The following TACR1 variants were observed in gnomAD, a reference collection of about 807,000 sequenced individuals.
TACR1 encodes substance-P receptor.
In TACR1, 25 loss-of-function variants were observed where a neutral mutation model predicts 35.8. The ratio of observed to expected loss-of-function variants is 0.70; its 90% CI spans 0.51 to 0.98. The LOEUF (loss-of-function observed/expected upper bound fraction) is 0.98. Among genes scored for constraint, TACR1 ranks in the 50% least tolerant of loss-of-function variants. TACR1 has a pLI of 0.00. For missense variants in TACR1, 478 were observed against 522.9 expected (o/e 0.91, Z 0.84); for synonymous variants, 195 against 206.7 (o/e 0.94, Z 0.48).
chr2:75,132,195 T>C (rs923577156), intron 1 of TACR1, among the ~76,000 whole-genome samples: 1 of 152,122 alleles, frequency 6.6e-6, no homozygotes, highest in Admixed American at 6.5e-5. Flanking sequence ...ATTGAGAAAA[T>C]TTCATTTCTC....
At chr2:75,113,566 A>T (rs1553376513) in intron 2 of TACR1, among the ~76,000 whole-genome samples, 47 of 56,640 alleles carry the variant, frequency 8.3e-4, no homozygotes, top group Admixed American at 1.7e-3. Context: ...TACTTTGTTC[A>T]CTCTGATTTC....
intron 2 of TACR1, among the ~76,000 whole-genome samples, chr2:75,119,492 T>C (rs1454554216): frequency 6.6e-6 from 1 of 152,224 alleles, no homozygotes; most frequent in Non-Finnish European, 1.5e-5. Context: ...AAGATCCACA[T>C]TATCCATGTG....
rs749012386 is a variant in TACR1 at position 75,049,614 on chromosome 2, C to A, written c.1042G>T (p.Val348Leu). Reference sequence around the variant, plus strand: ...GTCTCCAGGCGGCTGACTTTGTACACACTGCCCTGGGTCTGGAGATACCGG... The same window carrying A: ...GTCTCCAGGCGGCTGACTTTGTACAAACTGCCCTGGGTCTGGAGATACCGG... ...STRYLQTQGSVYKVSRLETTI... is the reference protein window; with the variant it reads ...STRYLQTQGSLYKVSRLETTI... The change falls in exon 5 of 5, where the codon GTG becomes TTG. Residue 348 changes from valine (V) to leucine (L), a missense_variant. Coordinates refer to ENST00000305249, the MANE Select transcript of TACR1 (RefSeq NM_001058.4). 5.6e-6 allele frequency: 9 copies of A among 1,614,188 alleles called. No homozygotes were observed. The South Asian group carries it at 9.9e-5, about 18-fold the overall frequency.
At chr2:75,087,361 C>G (rs1441998980) in intron 2 of TACR1, among the ~76,000 whole-genome samples, 1 of 152,180 alleles carries the variant, frequency 6.6e-6, no homozygotes, top group African/African-American at 2.4e-5. Context: ...CCCAGTAGTT[C>G]TTCCCCAAAG....
At chr2:75,158,382 TTAA>T (rs1421875773) in intron 1 of TACR1, among the ~76,000 whole-genome samples, 2 of 152,234 alleles carry the variant, frequency 1.3e-5, no homozygotes, top group Non-Finnish European at 2.9e-5. Context: ...AGTGTCTGGC[TTAA>T]TAAGAGGGAT....
intron 1 of TACR1, among the ~76,000 whole-genome samples, chr2:75,145,291 A>G (rs1674484537): frequency 6.6e-6 from 1 of 152,160 alleles, no homozygotes; most frequent in African/African-American, 2.4e-5. Flanking sequence ...CTTAAATGCA[A>G]TGATGAAAAA....
At chr2:75,079,710 C>A (rs1328735136) in intron 2 of TACR1, among the ~76,000 whole-genome samples, 3 of 150,048 alleles carry the variant, frequency 2.0e-5, no homozygotes, top group Admixed American at 1.3e-4. Flanking sequence ...CAGGAAAAGT[C>A]CAAACTGTGC....
intron 1 of TACR1, among the ~76,000 whole-genome samples, chr2:75,170,623 C>T (rs1452730534): frequency 6.6e-6 from 1 of 152,136 alleles, no homozygotes; most frequent in Non-Finnish European, 1.5e-5. Flanking sequence ...TGTTGAATGG[C>T]TTTGACCCCA....
chr2:75,123,352 C>T (rs1292410940), intron 1 of TACR1, among the ~76,000 whole-genome samples: 1 of 152,180 alleles, frequency 6.6e-6, no homozygotes, highest in African/African-American at 2.4e-5. Flanking sequence ...GATAAATGCT[C>T]AGTCTTAAAT....
chr2:75,062,069 A>G (rs1040982023), intron 2 of TACR1, among the ~76,000 whole-genome samples: 1 of 152,172 alleles, frequency 6.6e-6, no homozygotes, highest in African/African-American at 2.4e-5. Flanking sequence ...TTGGGTTTCA[A>G]AAAACACTGG....
At chr2:75,120,281 G>A (rs1050234124) in intron 2 of TACR1, among the ~76,000 whole-genome samples, 25 of 152,220 alleles carry the variant, frequency 1.6e-4, no homozygotes, top group African/African-American at 4.1e-4. Flanking sequence ...GCAGATCCCG[G>A]CAGGGTAATG....
At chr2:75,105,456 T>A (rs1310854103) in intron 2 of TACR1, among the ~76,000 whole-genome samples, 2 of 152,138 alleles carry the variant, frequency 1.3e-5, no homozygotes, top group East Asian at 3.9e-4. Context: ...ATCTATTGTA[T>A]AACATAATGA....
At chr2:75,127,419 C>T (rs1381773325) in intron 1 of TACR1, among the ~76,000 whole-genome samples, 1 of 152,158 alleles carries the variant, frequency 6.6e-6, no homozygotes. Flanking sequence ...TTCGCATCCT[C>T]ACTGCTATGT....
At chr2:75,072,582 G>C (rs1197364888) in intron 2 of TACR1, among the ~76,000 whole-genome samples, 1 of 152,234 alleles carries the variant, frequency 6.6e-6, no homozygotes, top group Non-Finnish European at 1.5e-5. Flanking sequence ...TAGGGTCGCA[G>C]ATCACAATCA....
chr2:75,063,556 C>A (rs183432979), intron 2 of TACR1, among the ~76,000 whole-genome samples: 1 of 152,304 alleles, frequency 6.6e-6, no homozygotes, highest in East Asian at 1.9e-4. Context: ...GATACTCTAT[C>A]CTTTTCCTGA....
At chr2:75,055,011 C>G (rs188219052) in intron 2 of TACR1, among the ~76,000 whole-genome samples, 1 of 152,266 alleles carries the variant, frequency 6.6e-6, no homozygotes, top group Non-Finnish European at 1.5e-5. Context: ...AAATTCACAG[C>G]TGGTAAAGGG....
rs138404806 is a variant in TACR1 at position 75,118,952 on chromosome 2, A to C, written c.584+1622T>G. 2.0e-5 allele frequency: 3 copies of C among 152,260 alleles called. No individual in the cohort carries two copies. In the East Asian group the frequency reaches 5.8e-4, roughly 29 times the overall value. 9.4% of individuals were successfully genotyped at this position (152,260 alleles called of 1,614,324 possible). ...GCTTGTAGTTTCATCTGAAAGAATA[A>C]TTTTCGATATTTCCTAGGCTGAGCA... On this transcript the variant is annotated intron_variant, in intron 2 of 4. Transcript: ENST00000305249.
intron 2 of TACR1, among the ~76,000 whole-genome samples, chr2:75,054,068 C>T (rs559342142): frequency 2.6e-4 from 39 of 152,230 alleles, no homozygotes; most frequent in South Asian, 2.1e-3. Flanking sequence ...ATACCCATAG[C>T]GATTTCAGTT....
At chr2:75,062,239 C>T (rs958516616) in intron 2 of TACR1, among the ~76,000 whole-genome samples, 1 of 152,090 alleles carries the variant, frequency 6.6e-6, no homozygotes. Context: ...ATAGGTTTCT[C>T]ACTACAAGTA....
Sources: allele counts gnomAD v4.1 joint callset (sites outside exome capture counted in the v4.1 genomes callset), GRCh38; gene constraint gnomAD v4.1.1; transcripts MANE v1.5; gene names NCBI Gene and HGNC (gene_info 2026-07-23, HGNC 2026-07-21).